The following POU6F2 variants were observed in gnomAD, a reference collection of about 807,000 sequenced individuals.
The protein encoded by POU6F2 is POU domain, class 6, transcription factor 2.
Under a neutral mutation model 71.3 loss-of-function variants are expected in POU6F2, and 31 were observed. The observed-to-expected ratio is 0.43, with a 90% CI of 0.33 to 0.59. The LOEUF (loss-of-function observed/expected upper bound fraction) is 0.59, where lower values mean the gene tolerates loss of function less well. Among genes scored for constraint, POU6F2 ranks in the 20% least tolerant of loss-of-function variants. The pLI is 0.04. For missense variants in POU6F2, 783 were observed against 856.8 expected, an observed-to-expected ratio of 0.91 and a Z score of 1.07; for synonymous variants, 347 against 355.7, an observed-to-expected ratio of 0.98 and a Z score of 0.27.
chr7:39,195,257 G>C (rs1291852864), intron 2 of POU6F2, among the ~76,000 whole-genome samples: 1 of 152,206 alleles, frequency 6.6e-6, no homozygotes, highest in Non-Finnish European at 1.5e-5. Context: ...CACAAATGCA[G>C]CTACTGCCCA....
chr7:39,095,624 C>T (rs75832369), intron 2 of POU6F2, among the ~76,000 whole-genome samples: 196 of 152,230 alleles, frequency 1.3e-3, no homozygotes, highest in Non-Finnish European at 1.8e-3. Flanking sequence ...CTTAGAGTGA[C>T]AGAGGTCTGA....
chr7:39,249,948 CAT>C (rs1374839549), intron 4 of POU6F2, among the ~76,000 whole-genome samples: 1 of 152,158 alleles, frequency 6.6e-6, no homozygotes, highest in Non-Finnish European at 1.5e-5. Flanking sequence ...TCAGATGACA[CAT>C]GATGTGAACA....
intron 5 of POU6F2, among the ~76,000 whole-genome samples, chr7:39,401,446 G>A (rs1787302025): frequency 6.6e-6 from 1 of 152,164 alleles, no homozygotes; most frequent in Non-Finnish European, 1.5e-5. Flanking sequence ...AATTTAGTAG[G>A]ATAAAACACA....
chr7:39,340,741 A>G (rs1299339283), intron 5 of POU6F2, among the ~76,000 whole-genome samples: 1 of 54,206 alleles, frequency 1.8e-5, no homozygotes. Context: ...GAAGGAATGG[A>G]TAGGTGCATT....
intron 2 of POU6F2, among the ~76,000 whole-genome samples, chr7:39,098,608 C>T (rs1791504868): frequency 6.6e-6 from 1 of 152,162 alleles, no homozygotes; most frequent in African/African-American, 2.4e-5. Flanking sequence ...AGTAGTGCTT[C>T]AAGGCTCTGG....
At chr7:39,069,671 A>G (rs1054401141) in intron 1 of POU6F2, among the ~76,000 whole-genome samples, 7 of 152,214 alleles carry the variant, frequency 4.6e-5, no homozygotes, top group African/African-American at 1.7e-4. Context: ...AGTATGTTAT[A>G]TGTATTATAT....
intron 6 of POU6F2, among the ~76,000 whole-genome samples, chr7:39,411,854 G>T (rs937116693): frequency 1.4e-4 from 21 of 152,194 alleles, no homozygotes; most frequent in African/African-American, 4.3e-4. Context: ...GCTGGAGAGG[G>T]GTGGATGGAG....
chr7:39,311,943 A>G (rs1785173769), intron 4 of POU6F2, among the ~76,000 whole-genome samples: 1 of 152,258 alleles, frequency 6.6e-6, no homozygotes, highest in South Asian at 2.1e-4. Context: ...CTACAGAAAC[A>G]CATTATGAAC....
chr7:39,260,982 TCACA>T (rs201790210), intron 4 of POU6F2, among the ~76,000 whole-genome samples: 3 of 150,682 alleles, frequency 2.0e-5, no homozygotes, highest in Non-Finnish European at 4.4e-5. Flanking sequence ...ACCATTCATA[TCACA>T]CACACATCAC....
At chr7:39,283,891 A>G (rs1191228635) in intron 4 of POU6F2, among the ~76,000 whole-genome samples, 1 of 152,234 alleles carries the variant, frequency 6.6e-6, no homozygotes, top group African/African-American at 2.4e-5. Context: ...TGACACGTGC[A>G]TTATTAAATT....
chr7:39,145,324 C>G (rs1311824357), intron 2 of POU6F2, among the ~76,000 whole-genome samples: 1 of 152,176 alleles, frequency 6.6e-6, no homozygotes, highest in Non-Finnish European at 1.5e-5. Context: ...TTAGAACATA[C>G]TTGGAATTGG....
At chr7:39,214,552 T>C (rs951401247) in intron 4 of POU6F2, among the ~76,000 whole-genome samples, 9 of 152,190 alleles carry the variant, frequency 5.9e-5, no homozygotes, top group Non-Finnish European at 1.0e-4. Context: ...CTGTGTATGA[T>C]GTATTGCTAA....
chr7:39,046,526 C>G (rs971410917), intron 1 of POU6F2, among the ~76,000 whole-genome samples: 1 of 151,840 alleles, frequency 6.6e-6, no homozygotes, highest in African/African-American at 2.4e-5. Context: ...AGTCACAGAG[C>G]TTTTCTTCTA....
chr7:39,302,932 TA>T (rs931957253), intron 4 of POU6F2, among the ~76,000 whole-genome samples: 2 of 152,342 alleles, frequency 1.3e-5, no homozygotes, highest in African/African-American at 4.8e-5. Context: ...GAGGACTTTT[TA>T]AAACACAGAT....
chr7:39,016,057 T>TATATATAATATATAGATATATATC (rs1554308242), intron 1 of POU6F2, among the ~76,000 whole-genome samples: 9,551 of 37,800 alleles, frequency 0.25, 2,006 homozygotes, highest in South Asian at 0.47. Flanking sequence ...TTATATATAT[T>TATATATAATATATAGATATATATC]ATATATAATA....
intron 2 of POU6F2, among the ~76,000 whole-genome samples, chr7:39,180,752 G>A (rs1793420202): frequency 6.6e-6 from 1 of 152,142 alleles, no homozygotes; most frequent in Admixed American, 6.6e-5. Context: ...AAGGGACCCA[G>A]CACATTTGTT....
chr7:39,267,998 A>T (rs1237145987), intron 4 of POU6F2, among the ~76,000 whole-genome samples: 1 of 152,174 alleles, frequency 6.6e-6, no homozygotes, highest in Non-Finnish European at 1.5e-5. Flanking sequence ...ACTCAGATTG[A>T]TCCTGAAGGT....
intron 1 of POU6F2, among the ~76,000 whole-genome samples, chr7:39,052,851 A>C (rs1361597458): frequency 2.0e-5 from 3 of 152,112 alleles, no homozygotes; most frequent in Admixed American, 6.6e-5. Context: ...CCAGAACCAC[A>C]CTGGACCTTG....
At chr7:39,309,036 AGCG>A (rs1785104371) in intron 4 of POU6F2, among the ~76,000 whole-genome samples, 1 of 152,246 alleles carries the variant, frequency 6.6e-6, no homozygotes, top group African/African-American at 2.4e-5. Context: ...ACTGCTCGCA[AGCG>A]GCCATTCAAA....
Sources: gnomAD v4.1 joint callset for allele counts (sites outside exome capture counted in the v4.1 genomes callset) on GRCh38, gnomAD v4.1.1 for gene constraint, MANE v1.5 for transcripts, NCBI Gene and HGNC (gene_info 2026-07-23, HGNC 2026-07-21) for gene names.